The following BIRC6 variants were observed in gnomAD, a reference collection of about 807,000 sequenced individuals.
BIRC6 encodes dual E2 ubiquitin-conjugating enzyme/E3 ubiquitin-protein ligase BIRC6.
BIRC6 carries 98 observed loss-of-function variants against 503.3 expected under a neutral mutation model. The ratio of observed to expected loss-of-function variants is 0.19; its 90% CI spans 0.17 to 0.23. The LOEUF is 0.23. BIRC6 is among the 10% of genes least tolerant of loss of function. BIRC6 has a pLI of 1.00. For missense variants in BIRC6, 5,360 were observed against 5,806.0 expected, an observed-to-expected ratio of 0.92 and a Z score of 2.50; for synonymous variants, 2,240 against 2,078.7, an observed-to-expected ratio of 1.08 and a Z score of -2.11.
chr2:32,539,221 T>A (rs1435729236), intron 61 of BIRC6, among the ~76,000 whole-genome samples: 3 of 152,182 alleles, frequency 2.0e-5, no homozygotes. Context: ...CAGAAATTTA[T>A]AGAACTGAAG....
intron 33 of BIRC6, among the ~76,000 whole-genome samples, chr2:32,474,617 C>G (rs2049517757): frequency 1.3e-5 from 2 of 152,240 alleles, no homozygotes; most frequent in East Asian, 1.9e-4. Flanking sequence ...CGAAAGTAAT[C>G]AGGGCGATTA....
intron 21 of BIRC6, among the ~76,000 whole-genome samples, 187 bp downstream of exon 21, chr2:32,445,855 T>C (rs551011612): frequency 6.6e-6 from 1 of 152,248 alleles, no homozygotes; most frequent in African/African-American, 2.4e-5. Flanking sequence ...TGTCAGAAAT[T>C]ACTCTTTTTT....
intron 65 of BIRC6, among the ~76,000 whole-genome samples, chr2:32,568,187 C>CTTTT (rs752609126): frequency 2.4e-4 from 34 of 139,224 alleles, no homozygotes; most frequent in Non-Finnish European, 4.7e-4. Flanking sequence ...TAAGTTTTAT[C>CTTTT]TTTTTTTTTT....
chr2:32,357,038 T>A lies in BIRC6; in HGVS notation c.-124T>A. ...CGGGCCCCGCCTCCCTCCCTGCTTC[T>A]CCCCCTCTCCCGTCAGCCTCCCTCC... On this transcript the variant is annotated 5_prime_UTR_variant, in exon 1 of 74. Coordinates refer to ENST00000421745, the MANE Select transcript of BIRC6 (RefSeq NM_016252.4). This position sits in a 1 kb window ranked among gnomAD's most constrained non-coding sequence, Gnocchi z 4.9. 1 of 856,242 alleles carries A rather than the reference T, an allele frequency of 1.2e-6. No homozygotes were observed. The highest frequency in any genetic ancestry group is 1.7e-6 in the Non-Finnish European group (1 of 600,818). The allele number at this position is 856,242 out of a possible 1,614,324, so 53.0% of individuals were successfully genotyped here.
At chr2:32,457,960 T>C (rs1307233741) in intron 23 of BIRC6, among the ~76,000 whole-genome samples, 2 of 152,172 alleles carry the variant, frequency 1.3e-5, no homozygotes, top group Non-Finnish European at 2.9e-5. Context: ...AAATTAATTA[T>C]AATTTATTAT....
chr2:32,530,378 T>G (rs2056634105), intron 60 of BIRC6, among the ~76,000 whole-genome samples: 1 of 152,006 alleles, frequency 6.6e-6, no homozygotes. Flanking sequence ...GCCTGGCTAA[T>G]TTTTGTATTT....
At chr2:32,392,672 G>T (rs1222160740) in intron 5 of BIRC6, among the ~76,000 whole-genome samples, 1 of 151,984 alleles carries the variant, frequency 6.6e-6, no homozygotes. Context: ...GCCCACGCTG[G>T]AGTACAGTGG....
intron 5 of BIRC6, among the ~76,000 whole-genome samples, chr2:32,394,502 C>T (rs896937993): frequency 6.6e-6 from 1 of 151,950 alleles, no homozygotes; most frequent in Non-Finnish European, 1.5e-5. Flanking sequence ...TTTTTACTTG[C>T]CCTTCTTGTT....
chr2:32,464,551 G>A lies in BIRC6; in HGVS notation c.4984G>A (p.Ala1662Thr), dbSNP rs1395331075. Residue 1662 changes from alanine to threonine, a missense_variant, in exon 25 of 74, where the codon GCA becomes ACA. Around this residue, in one of 16 missense-constraint regions of BIRC6, gnomAD observed 2,299 missense variants for 2,267.2 expected, o/e 1.01. Coordinates refer to ENST00000421745, the MANE Select transcript of BIRC6 (RefSeq NM_016252.4). ...EAKLHQTTAA[A>T]AAAASAVGPV... ...CAAGTTACATCAGACAACAGCTGCA[G>A]CAGCTGCAGCAGCATCAGCAGTAGG... 6.3e-7 allele frequency: 1 copy of A among 1,598,700 alleles called. No homozygotes were observed. The highest frequency in any genetic ancestry group is 8.5e-7 in the Non-Finnish European group (1 of 1,171,904).
At chr2:32,439,378 G>A in intron 15 of BIRC6, 130 bp from the exon 16 acceptor site, 1 of 882,412 alleles carries the variant, frequency 1.1e-6, no homozygotes, top group Non-Finnish European at 1.7e-6. Context: ...TGCTCAAACA[G>A]TATAATTTGA....
At chr2:32,364,786 T>C (rs1351860841) in intron 1 of BIRC6, among the ~76,000 whole-genome samples, 2 of 150,192 alleles carry the variant, frequency 1.3e-5, no homozygotes, top group Admixed American at 6.6e-5. Context: ...TTTCCTGATG[T>C]AAGAGCTTCT....
intron 21 of BIRC6, among the ~76,000 whole-genome samples, chr2:32,447,449 C>G (rs2046149374): frequency 6.8e-6 from 1 of 146,002 alleles, no homozygotes; most frequent in African/African-American, 2.5e-5. Context: ...CCACCTCCCT[C>G]CCGGACTGGG....
At chr2:32,519,567 G>A (rs1389633063) in intron 57 of BIRC6, among the ~76,000 whole-genome samples, 1 of 152,110 alleles carries the variant, frequency 6.6e-6, no homozygotes, top group African/African-American at 2.4e-5. Context: ...CCAGGCTGAA[G>A]TGCAGTGGAA....
chr2:32,481,239 CTT>C lies in BIRC6; in HGVS notation c.7409-75_7409-74del, dbSNP rs922501527. ...CATATGTAACATGCAAGTAAAATAA[CTT>C]TTTTTAACTAAAAGCATTATGTCAT... On this transcript the variant is annotated intron_variant, in intron 37 of 73. Transcript: ENST00000421745. The C allele has an allele frequency of 5.6e-6, 7 of 1,255,808 alleles. No individual in the cohort carries two copies. In the African/African-American group the frequency reaches 7.7e-5, roughly 14 times the overall value. The allele number at this position is 1,255,808 out of a possible 1,614,324, so 77.8% of individuals were successfully genotyped here.
chr2:32,543,652 A>G (rs1439821629), intron 62 of BIRC6, 111 bp downstream of exon 62: 1 of 1,097,868 alleles, frequency 9.1e-7, no homozygotes, highest in African/African-American at 1.6e-5. Flanking sequence ...AAGCTGTTAG[A>G]TGATTTGTAA....
intron 54 of BIRC6, among the ~76,000 whole-genome samples, chr2:32,513,487 A>G (rs2054650661): frequency 6.6e-6 from 1 of 152,208 alleles, no homozygotes; most frequent in African/African-American, 2.4e-5. Context: ...CAGCTAGACA[A>G]CTTTGGGGGT....
intron 54 of BIRC6, 50 bp downstream of exon 54, chr2:32,513,204 A>G (rs753348559): frequency 7.2e-7 from 1 of 1,391,852 alleles, no homozygotes; most frequent in South Asian, 1.2e-5. Flanking sequence ...TAGATCAGTT[A>G]GTGTTCACTT....
intron 71 of BIRC6, among the ~76,000 whole-genome samples, chr2:32,606,061 G>A (rs891020672): frequency 1.3e-5 from 2 of 152,018 alleles, no homozygotes; most frequent in South Asian, 4.1e-4. Context: ...TTTAATCGTT[G>A]TGCCCAACAA....
At position 32,380,144 on chromosome 2, in the gene BIRC6, T is replaced by G. The variant is rs1466986067; in HGVS notation, c.508-9T>G. On this transcript the variant is annotated splice_polypyrimidine_tract_variant and intron_variant, in intron 2 of 73. Coordinates refer to ENST00000421745, the MANE Select transcript of BIRC6 (RefSeq NM_016252.4). ...TCTGTGATTTTTTTATTTTTTATTT[T>G]TTATTTAGGCACAGCAGCTCTTATC... is the stretch of plus-strand genomic sequence containing the variant. 5.4e-6 allele frequency: 8 copies of G among 1,479,232 alleles called. No individual in the cohort carries two copies. The highest frequency in any genetic ancestry group is 7.2e-6 in the Non-Finnish European group (8 of 1,117,250). The allele number at this position is 1,479,232 out of a possible 1,614,324, so 91.6% of individuals were successfully genotyped here.
Sources: allele counts gnomAD v4.1 joint callset (sites outside exome capture counted in the v4.1 genomes callset), GRCh38; gene constraint gnomAD v4.1.1; regional missense constraint gnomAD v4.1.1; non-coding constraint Gnocchi (gnomAD v3.1); transcripts MANE v1.5; gene names NCBI Gene and HGNC (gene_info 2026-07-23, HGNC 2026-07-21).